ACCS: variants seen among roughly 807,000 people sequenced by gnomAD.
The protein encoded by ACCS is 1-aminocyclopropane-1-carboxylate synthase-like protein 1.
ACCS carries 42 observed loss-of-function variants against 59.8 expected under a neutral mutation model. That is an observed-to-expected ratio of 0.70 (90% CI 0.55 to 0.91). The LOEUF (loss-of-function observed/expected upper bound fraction) is 0.91, where lower values mean the gene tolerates loss of function less well. ACCS is among the 40% of genes least tolerant of loss of function. The pLI is 0.00. For missense variants in ACCS, 602 were observed against 630.4 expected (o/e 0.95, Z 0.48); for synonymous variants, 230 against 240.3 (o/e 0.96, Z 0.40).
At position 44,083,290 on chromosome 11, in the gene ACCS, C is replaced by T; in HGVS notation, c.1233C>T (p.Phe411=). 6.2e-7 allele frequency: 1 copy of T among 1,614,148 alleles called. No homozygotes were observed. Among genetic ancestry groups the T allele is most frequent in the East Asian group, 2.2e-5 (1 of 44,872 alleles). The part of the protein sequence containing the change: ...IPFLSRGAGF[F]IWVDLRKYLP... ...TCTTGAGTCGTGGGGCTGGCTTCTT[C>T]ATCTGGGTTGACTTGAGAAAGGTAA... is the stretch of plus-strand genomic sequence containing the variant. Residue 411 remains phenylalanine, a synonymous_variant, in exon 13 of 15, where the codon TTC becomes TTT. Coordinates refer to ENST00000263776, the MANE Select transcript of ACCS (RefSeq NM_032592.4).
At chr11:44,067,486 AG>A in intron 1 of ACCS, 141 bp from the exon 2 acceptor site, 1 of 864,330 alleles carries the variant, frequency 1.2e-6, no homozygotes, top group Non-Finnish European at 1.8e-6. Context: ...GTTACAGCTA[AG>A]GGACACAGGA....
At chr11:44,071,455 TGGGACAGTTTTC>T in intron 3 of ACCS, 140 bp downstream of exon 3, 1 of 833,006 alleles carries the variant, frequency 1.2e-6, no homozygotes, top group East Asian at 2.5e-5. Flanking sequence ...AGGCCTACCT[TGGGACAGTTTTC>T]TGTGTGATCT....
At chr11:44,083,634 C>T in intron 14 of ACCS, 57 bp downstream of exon 14, 3 of 1,614,154 alleles carry the variant, frequency 1.9e-6, no homozygotes, top group Non-Finnish European at 2.5e-6. Flanking sequence ...GTGGCCTCCG[C>T]TTGTTTGTCC....
intron 4 of ACCS, among the ~76,000 whole-genome samples, chr11:44,074,162 T>C (rs1768460987): frequency 1.3e-5 from 2 of 152,174 alleles, no homozygotes; most frequent in Admixed American, 1.3e-4. Context: ...ATCTTAGTTT[T>C]TGTTTCTTTG....
Position 44,074,698 on chromosome 11 carries a change from A to C in ACCS, c.489+17A>C. On this transcript the variant is annotated intron_variant, in intron 5 of 14. Transcript: ENST00000263776. ...CCAGAGAATGTGAGTGGCCCCCTCC[A>C]CTGCTCCTTCCTGTTCTCCTGCCTC... 1.3e-6 allele frequency: 2 copies of C among 1,516,586 alleles called. No homozygotes were observed. Among genetic ancestry groups the C allele is most frequent in the Non-Finnish European group, 1.8e-6 (2 of 1,132,220 alleles). The allele number at this position is 1,516,586 out of a possible 1,614,324, so 93.9% of individuals were successfully genotyped here.
Position 44,073,460 on chromosome 11 carries a change from A to T in ACCS, c.362A>T (p.Asp121Val), listed in dbSNP as rs572810826. The T allele has an allele frequency of 1.3e-4, 204 of 1,608,408 alleles. 1 individual carries two copies. In the South Asian group the frequency reaches 2.0e-3, roughly 16 times the overall value. The change falls in exon 4 of 15, where the codon GAC becomes GTC. Residue 121 changes from aspartate (D) to valine (V), a missense_variant. Asp to Val is a radical substitution (Grantham distance 152). Coordinates refer to ENST00000263776, the MANE Select transcript of ACCS (RefSeq NM_032592.4). The part of the protein sequence containing the change: ...DLLSWRLSQR[D>V]MQRVEPSLLQ... ...CTCTGTCCCCAGCTGAGTCAGCGCG[A>T]CATGCAGAGGGTGGAGCCATCCCTG...
chr11:44,078,287 G>A (rs982913834), intron 8 of ACCS: 4 of 320,766 alleles, frequency 1.2e-5, no homozygotes, highest in South Asian at 6.9e-5. Context: ...TCACTGTGGG[G>A]GGAGCTGAGG....
intron 9 of ACCS, 111 bp from the exon 10 acceptor site, chr11:44,079,420 C>T (rs1246721656): frequency 4.9e-6 from 4 of 821,198 alleles, no homozygotes; most frequent in African/African-American, 1.7e-5. Flanking sequence ...GTTTGGTAAC[C>T]CCGGGCTAGA....
At chr11:44,077,970 C>T (rs1436241512) in intron 8 of ACCS, 48 bp downstream of exon 8, 1 of 1,596,580 alleles carries the variant, frequency 6.3e-7, no homozygotes, top group Non-Finnish European at 8.5e-7. Context: ...TGGGTCTGAG[C>T]AGGGTCTGGA....
At chr11:44,070,566 C>T (rs1011175435) in intron 2 of ACCS, among the ~76,000 whole-genome samples, 10 of 152,136 alleles carry the variant, frequency 6.6e-5, no homozygotes, top group African/African-American at 2.4e-4. Flanking sequence ...ACTCAGGGGT[C>T]AGCAGTTAGC....
intron 8 of ACCS, 136 bp from the exon 9 acceptor site, chr11:44,078,548 G>T: frequency 1.6e-6 from 1 of 615,150 alleles, no homozygotes; most frequent in South Asian, 2.6e-5. Flanking sequence ...TGTTCCGCTT[G>T]TTTGCTTCAT....
In ACCS at chr11:44,079,630, C is replaced by T. The variant is rs774781093; in HGVS notation, c.923+10C>T. ...TCCTAAGCCTGGAAAGGTGAGGCTC[C>T]CTGACACAGCTAACTCCCCCAGTCC... is the stretch of plus-strand genomic sequence containing the variant. On this transcript the variant is annotated intron_variant, in intron 10 of 14. Coordinates refer to ENST00000263776, the MANE Select transcript of ACCS (RefSeq NM_032592.4). The T allele has an allele frequency of 1.3e-6, 2 of 1,599,664 alleles. No homozygotes were observed. The highest frequency in any genetic ancestry group is 4.5e-5 in the East Asian group (2 of 44,630).
At position 44,068,473 on chromosome 11, in the gene ACCS, C is replaced by T. The variant is rs11037852; in HGVS notation, c.288+558C>T. On this transcript the variant is annotated intron_variant, in intron 2 of 14. Transcript: ENST00000263776. ...TAAAAAAATTAACAGGGTGTGGTGG[C>T]GTGCACTTGTGGTCCCAGCTACTGG... Among the ~76,000 whole-genome samples the T allele has an allele frequency of 5.7e-3, 860 of 152,134 alleles. 7 individuals are homozygous for T. The highest frequency in any genetic ancestry group is 0.032 in the East Asian group (165 of 5,168).
chr11:44,073,639 G>T, intron 4 of ACCS, 122 bp downstream of exon 4: 1 of 955,414 alleles, frequency 1.0e-6, no homozygotes, highest in Non-Finnish European at 1.6e-6. Flanking sequence ...AGAGGTCAGG[G>T]ATGCTGCCTA....
chr11:44,071,211 AC>A lies in ACCS; in HGVS notation c.289-39del, dbSNP rs763742730. Reference sequence around the variant, plus strand: ...TGGGCTCCTGGGGCCTTTCACTGGCACCCCCCTGCCATGCTAACTCTGCCTC... The same window carrying A: ...TGGGCTCCTGGGGCCTTTCACTGGCACCCCCTGCCATGCTAACTCTGCCTC... On this transcript the variant is annotated intron_variant, in intron 2 of 14. Coordinates refer to ENST00000263776, the MANE Select transcript of ACCS (RefSeq NM_032592.4). 8.7e-6 allele frequency: 14 copies of A among 1,608,490 alleles called. No individual in the cohort carries two copies. The Admixed American group carries it at 2.2e-4, about 25-fold the overall frequency.
At position 44,078,044 on chromosome 11, in the gene ACCS, A is replaced by G; in HGVS notation, c.732+122A>G. 2.4e-6 allele frequency: 3 copies of G among 1,258,836 alleles called. No homozygotes were observed. In the South Asian group the frequency reaches 4.8e-5, roughly 20 times the overall value. 78.0% of individuals were successfully genotyped at this position (1,258,836 alleles called of 1,614,324 possible). A position where few individuals can be genotyped will look rare whatever the true frequency, so the allele number is the denominator to read the frequency against. ...TTGATACCCGGTGATTGGGACAGAC[A>G]GGTAGGGTGGTAGCACAGAATTATT... is the stretch of plus-strand genomic sequence containing the variant. On this transcript the variant is annotated intron_variant, in intron 8 of 14. Transcript: ENST00000263776.
At chr11:44,082,937 C>T (rs923935570) in intron 12 of ACCS, among the ~76,000 whole-genome samples, 4 of 152,068 alleles carry the variant, frequency 2.6e-5, no homozygotes, top group African/African-American at 9.7e-5. Context: ...GGTGTGGGAC[C>T]TGGAGCTGTC....
Position 44,081,187 on chromosome 11 carries a change from G to C in ACCS, c.978G>C (p.Gly326=), listed in dbSNP as rs1565183381. The part of the protein sequence containing the change: ...HVMWATSKDF[G]MSGLRFGTLY... ...GGTGCTTCTTCCTGCAGGACTTCGGGATGTCTGGGCTCCGCTTTGGCACGC... is the reference window on the plus strand; with the variant it reads ...GGTGCTTCTTCCTGCAGGACTTCGGCATGTCTGGGCTCCGCTTTGGCACGC... Residue 326 remains glycine, a synonymous_variant, in exon 12 of 15, where the codon GGG becomes GGC. Transcript: ENST00000263776. 1 of 1,614,124 alleles carries C rather than the reference G, an allele frequency of 6.2e-7. No homozygotes were observed. Among genetic ancestry groups the C allele is most frequent in the Admixed American group, 1.7e-5 (1 of 60,012 alleles).
At chr11:44,075,400 G>T (rs1233307989) in intron 5 of ACCS, 126 bp from the exon 6 acceptor site, 2 of 944,566 alleles carry the variant, frequency 2.1e-6, no homozygotes, top group Non-Finnish European at 3.3e-6. Flanking sequence ...TGGCTTTGTT[G>T]TGACAGAGCC....
Sources: allele counts gnomAD v4.1 joint callset (sites outside exome capture counted in the v4.1 genomes callset), GRCh38; gene constraint gnomAD v4.1.1; transcripts MANE v1.5; gene names NCBI Gene and HGNC (gene_info 2026-07-23, HGNC 2026-07-21).